The following ARAP1 variants were observed in gnomAD, a reference collection of about 807,000 sequenced individuals.
ARAP1 encodes the protein arf-GAP with Rho-GAP domain, ANK repeat and PH domain-containing protein 1.
ARAP1 carries 76 observed loss-of-function variants against 172.2 expected under a neutral mutation model. The ratio of observed to expected loss-of-function variants is 0.44; its 90% CI spans 0.37 to 0.53. The LOEUF is 0.53. ARAP1 is among the 20% of genes least tolerant of loss of function. ARAP1 has a pLI of 0.00. For synonymous variants in ARAP1, 804 were observed against 803.3 expected, an observed-to-expected ratio of 1.00 and a Z score of -0.01; for missense variants, 1,686 against 1,977.5, an observed-to-expected ratio of 0.85 and a Z score of 2.80.
intron 4 of ARAP1, among the ~76,000 whole-genome samples, 171 bp downstream of exon 4, chr11:72,713,981 A>G (rs1857161695): frequency 6.6e-6 from 1 of 152,080 alleles, no homozygotes; most frequent in Non-Finnish European, 1.5e-5. Context: ...CTCCATTGTG[A>G]GGATGAAGAG....
At position 72,697,077 on chromosome 11, in the gene ARAP1, C is replaced by G; in HGVS notation, c.3072G>C (p.Val1024=). ...SVHLKEGEQH[V]DDVSSALKRF... ...GCTTGAGCGCCGAGGAAACATCATC[C>G]ACGTGCTGCTCGCCCTCCTTGAGGT... is the stretch of plus-strand genomic sequence containing the variant. Residue 1024 remains valine (V), a synonymous_variant, in exon 22 of 35, where the codon GTG becomes GTC. Transcript: ENST00000393609. 6.2e-7 allele frequency: 1 copy of G among 1,610,116 alleles called. No individual in the cohort carries two copies. The highest frequency in any genetic ancestry group is 1.1e-5 in the South Asian group (1 of 91,086).
intron 1 of ARAP1, among the ~76,000 whole-genome samples, chr11:72,738,665 C>G (rs963303457): frequency 6.6e-6 from 1 of 152,086 alleles, no homozygotes; most frequent in African/African-American, 2.4e-5. Flanking sequence ...CCTCAGGAAA[C>G]TCCTCGGAGC....
chr11:72,687,047 T>C lies in ARAP1; in HGVS notation c.4185+392A>G, dbSNP rs549588168. 7.2e-5 allele frequency among the ~76,000 whole-genome samples: 11 copies of C among 152,278 alleles called. No homozygotes were observed. The South Asian group carries it at 2.1e-3, about 29-fold the overall frequency. ...ATCTCTGGACCTTTGCCTAAACCGT[T>C]CCCTCTGCCTAGAAGTCATCCCCCT... On this transcript the variant is annotated intron_variant, in intron 33 of 34. Coordinates refer to ENST00000393609, the MANE Select transcript of ARAP1 (RefSeq NM_001040118.3).
Position 72,710,213 on chromosome 11 carries a change from C to T in ARAP1, c.1416+172G>A, listed in dbSNP as rs1287424284. Among the ~76,000 whole-genome samples the T allele has an allele frequency of 6.6e-6, 1 of 151,540 alleles. No individual in the cohort carries two copies. The highest frequency in any genetic ancestry group is 1.5e-5 in the Non-Finnish European group (1 of 67,848). On this transcript the variant is annotated intron_variant, in intron 10 of 34. Transcript: ENST00000393609. This position sits in a 1 kb window ranked among gnomAD's most constrained non-coding sequence, Gnocchi z 4.3. ...AGGGCAGGGACTGGAGGGCAGTGCT[C>T]AGAGCCTGGGGGAAGTGGTCAGAAC...
chr11:72,699,388 C>T lies in ARAP1; in HGVS notation c.2438+29G>A. The T allele has an allele frequency of 9.9e-6, 16 of 1,613,784 alleles. No homozygotes were observed. Among genetic ancestry groups the T allele is most frequent in the Non-Finnish European group, 1.4e-5 (16 of 1,179,898 alleles). On this transcript the variant is annotated intron_variant, in intron 17 of 34. Transcript: ENST00000393609. This position sits in a 1 kb window ranked among gnomAD's most constrained non-coding sequence, Gnocchi z 4.2. The stretch of plus-strand genomic sequence containing the variant: ...GTGGGGGATTGTACCTTATAGCAAC[C>T]ACAGTCTGATTTGCCCAGGAGTACT...
rs1476519632 is a variant in ARAP1 at position 72,726,780 on chromosome 11, T to C, written c.349A>G (p.Ile117Val). ...EDEGLPAAPP[I>V]PPRRSCLPPT... ...GGAAGGCAGCTCCTCCGGGGCGGGATGGGTGGGGCAGCGGGGAGCCCCTCA... is the reference window on the plus strand; with the variant it reads ...GGAAGGCAGCTCCTCCGGGGCGGGACGGGTGGGGCAGCGGGGAGCCCCTCA... Residue 117 changes from isoleucine (I) to valine (V), a missense_variant, in exon 3 of 35, where the codon ATC becomes GTC. Physicochemically the swap from Ile to Val is conservative, Grantham distance 29 (BLOSUM62 3). Around this residue, in one of 5 missense-constraint regions of ARAP1, gnomAD observed 190 missense variants for 228.6 expected, o/e 0.83. Transcript: ENST00000393609. This position sits in a 1 kb window ranked among gnomAD's most constrained non-coding sequence, Gnocchi z 6.5. 3.7e-5 allele frequency: 9 copies of C among 246,502 alleles called. No individual in the cohort carries two copies. The highest frequency in any genetic ancestry group is 7.9e-5 in the Non-Finnish European group (9 of 114,314). The allele number at this position is 246,502 out of a possible 1,614,324, so 15.3% of individuals were successfully genotyped here.
At chr11:72,691,969 C>T (rs1409995273) in intron 30 of ARAP1, among the ~76,000 whole-genome samples, 1 of 152,168 alleles carries the variant, frequency 6.6e-6, no homozygotes, top group African/African-American at 2.4e-5. Flanking sequence ...CGCACTCTTA[C>T]GAGAATCTAA....
intron 3 of ARAP1, among the ~76,000 whole-genome samples, chr11:72,716,172 CAAA>C (rs201462857): frequency 1.4e-5 from 1 of 73,294 alleles, no homozygotes; most frequent in African/African-American, 6.3e-5. Context: ...GACTCCGTCT[CAAA>C]AAAAAAAAAA....
Position 72,712,303 on chromosome 11 carries a change from C to T in ARAP1, c.915G>A (p.Leu305=). ...GWHTSSLSLS[L]PSTIAAPHPM... ...GGTGTGGCGCAGCTATTGTGCTGGG[C>T]AAGGACAAGCTCAGGCTGCTGGTAT... Residue 305 remains leucine, a synonymous_variant, in exon 7 of 35, where the codon TTG becomes TTA. Coordinates refer to ENST00000393609, the MANE Select transcript of ARAP1 (RefSeq NM_001040118.3). The T allele has an allele frequency of 1.3e-6, 2 of 1,576,544 alleles. No homozygotes were observed. Among genetic ancestry groups the T allele is most frequent in the Non-Finnish European group, 1.7e-6 (2 of 1,157,864 alleles).
In ARAP1 at chr11:72,707,318, G is replaced by A; in HGVS notation, c.1580C>T (p.Ala527Val). ...CGAGGTAGACAGGGCCTCAGCGATG[G>A]CTCCCTGCATGGCCTCCAACCACTG... ...KEQWLEAMQG[A>V]IAEALSTSEV... is the part of the protein sequence containing the mutation. Residue 527 changes from alanine (A) to valine (V), a missense_variant, in exon 12 of 35, where the codon GCC (alanine) becomes GTC (valine). Physicochemically the swap from Ala to Val is moderately conservative, Grantham distance 64. Around this residue, in one of 5 missense-constraint regions of ARAP1, gnomAD observed 688 missense variants for 856.9 expected, o/e 0.80. Transcript: ENST00000393609. 1 of 1,613,650 alleles carries A rather than the reference G, an allele frequency of 6.2e-7. No homozygotes were observed. The highest frequency in any genetic ancestry group is 8.5e-7 in the Non-Finnish European group (1 of 1,179,912).
Position 72,710,996 on chromosome 11 carries a change from A to G in ARAP1, c.1213+25T>C. 1 of 1,613,824 alleles carries G rather than the reference A, an allele frequency of 6.2e-7. No homozygotes were observed. Among genetic ancestry groups the G allele is most frequent in the Non-Finnish European group, 8.5e-7 (1 of 1,179,896 alleles). On this transcript the variant is annotated intron_variant, in intron 9 of 34. Coordinates refer to ENST00000393609, the MANE Select transcript of ARAP1 (RefSeq NM_001040118.3). The surrounding 1 kb of genome is among the most constrained non-coding windows in gnomAD (Gnocchi z 4.3). ...GTCTTCTCTACCCTCTTCTACACAC[A>G]CACACAACACCCCACACTCCCCACC...
intron 1 of ARAP1, among the ~76,000 whole-genome samples, chr11:72,739,096 CCCCACG>C (rs539294916): frequency 1.8e-3 from 277 of 152,284 alleles, no homozygotes; most frequent in Non-Finnish European, 3.2e-3. Context: ...CAGAAGTGGC[CCCCACG>C]CCTCTGCAGA....
In ARAP1 at chr11:72,697,659, G is replaced by T. The variant is rs772177978; in HGVS notation, c.2738-10C>A. On this transcript the variant is annotated splice_polypyrimidine_tract_variant and intron_variant, in intron 19 of 34. Coordinates refer to ENST00000393609, the MANE Select transcript of ARAP1 (RefSeq NM_001040118.3). Reference sequence around the variant, plus strand: ...CTGTCCCCCTGGATGGCTGTGGAGGGGTTAGTCAAGGTGAGGCCCAGGTCT... The same window carrying T: ...CTGTCCCCCTGGATGGCTGTGGAGGTGTTAGTCAAGGTGAGGCCCAGGTCT... 6.2e-7 allele frequency: 1 copy of T among 1,613,878 alleles called. No homozygotes were observed. Among genetic ancestry groups the T allele is most frequent in the African/African-American group, 1.3e-5 (1 of 74,914 alleles).
rs1856994360 is a variant in ARAP1, at chr11:72,711,113, A to G, written c.1121T>C (p.Val374Ala). ...KDAYSKRFIS[V>A]ACISHVAAIG... is the part of the protein sequence containing the mutation. Reference sequence around the variant, plus strand: ...GGCAGCCACGTGGGAGATGCAGGCCACAGAGATAAAGCGCTTAGAGTAAGC... The same window carrying G: ...GGCAGCCACGTGGGAGATGCAGGCCGCAGAGATAAAGCGCTTAGAGTAAGC... Residue 374 changes from valine to alanine, a missense_variant, in exon 9 of 35, where the codon GTG becomes GCG. Coordinates refer to ENST00000393609, the MANE Select transcript of ARAP1 (RefSeq NM_001040118.3). The G allele has an allele frequency of 6.2e-7, 1 of 1,614,050 alleles. No individual in the cohort carries two copies. The highest frequency in any genetic ancestry group is 1.3e-5 in the African/African-American group (1 of 74,916).
chr11:72,723,357 C>T (rs1307371301), intron 3 of ARAP1, among the ~76,000 whole-genome samples: 1 of 152,080 alleles, frequency 6.6e-6, no homozygotes, highest in Non-Finnish European at 1.5e-5. Flanking sequence ...GGGGTGCAGA[C>T]TCTGGGGGTG....
At position 72,692,733 on chromosome 11, in the gene ARAP1, GT is replaced by G. The variant is rs1483568966; in HGVS notation, c.3987+19del. On this transcript the variant is annotated intron_variant, in intron 30 of 34. Coordinates refer to ENST00000393609, the MANE Select transcript of ARAP1 (RefSeq NM_001040118.3). ...CCCAGGTGGTGTAAGGCAGCTGGCA[GT>G]CAGCCCACAGCTACTCACGGTCTCA... is the stretch of plus-strand genomic sequence containing the variant. 1 of 1,613,730 alleles carries G rather than the reference GT, an allele frequency of 6.2e-7. No homozygotes were observed.
At chr11:72,696,922 C>G in intron 22 of ARAP1, 61 bp downstream of exon 22, 1 of 1,515,984 alleles carries the variant, frequency 6.6e-7, no homozygotes, top group Non-Finnish European at 8.9e-7. Context: ...AAGGGAAGGG[C>G]GCAGGAGTCC....
In ARAP1 at chr11:72,726,997, G is replaced by T. The variant is rs1477596928; in HGVS notation, c.132C>A (p.Thr44=). 6.2e-7 allele frequency: 1 copy of T among 1,606,188 alleles called. No homozygotes were observed. The highest frequency in any genetic ancestry group is 8.5e-7 in the Non-Finnish European group (1 of 1,176,742). The change falls in exon 3 of 35, where the codon ACC becomes ACA. Residue 44 remains threonine (T), a synonymous_variant. Coordinates refer to ENST00000393609, the MANE Select transcript of ARAP1 (RefSeq NM_001040118.3). The surrounding 1 kb of genome is among the most constrained non-coding windows in gnomAD (Gnocchi z 6.5). ...GTAGCATGCCCATGTCCATCAGGCG[G>T]GTGTCGCTGAGGCCTTGGCACTCAG... ...WATECQGLSD[T]RLMDMGMLLP...
chr11:72,699,524 A>C lies in ARAP1; in HGVS notation c.2331T>G (p.Gly777=), dbSNP rs1281871020. 1 of 1,613,464 alleles carries C rather than the reference A, an allele frequency of 6.2e-7. No individual in the cohort carries two copies. Among genetic ancestry groups the C allele is most frequent in the Non-Finnish European group, 8.5e-7 (1 of 1,179,862 alleles). ...EEFSRRWCVL[G]DGVLSYFENE... is the part of the protein sequence containing the mutation. ...TCTCAAAGTAGCTCAGGACCCCGTC[A>C]CCAAGGACACACCAGCGCCGGCTGA... Residue 777 remains glycine, a synonymous_variant, in exon 17 of 35, where the codon GGT becomes GGG. Transcript: ENST00000393609. The surrounding 1 kb of genome is among the most constrained non-coding windows in gnomAD (Gnocchi z 4.2).
Sources: gnomAD v4.1 joint callset for allele counts (sites outside exome capture counted in the v4.1 genomes callset) on GRCh38, gnomAD v4.1.1 for gene constraint, gnomAD v4.1.1 regional missense constraint, Gnocchi (gnomAD v3.1) non-coding constraint, MANE v1.5 for transcripts, NCBI Gene and HGNC (gene_info 2026-07-23, HGNC 2026-07-21) for gene names.